Variants in TMEM273 observed in about 807,000 individuals in gnomAD.
TMEM273 encodes chromosome 10 open reading frame 128.
Under a neutral mutation model 17.9 loss-of-function variants are expected in TMEM273, and 19 were observed. The ratio of observed to expected loss-of-function variants is 1.06; its 90% CI spans 0.74 to 1.55. The LOEUF (loss-of-function observed/expected upper bound fraction) is 1.55, where lower values mean the gene tolerates loss of function less well. TMEM273 is among the 40% of genes most tolerant of loss of function. TMEM273 has a pLI of 0.00. For missense variants in TMEM273, 194 were observed against 155.6 expected (o/e 1.25, Z -1.31); for synonymous variants, 66 against 62.0 (o/e 1.07, Z -0.31).
intron 1 of TMEM273, chr10:49,178,273 A>G: frequency 2.2e-6 from 1 of 457,176 alleles, no homozygotes; most frequent in Non-Finnish European, 4.4e-6. Flanking sequence ...TCTTCTTAGG[A>G]TGGCACGCCA....
intron 1 of TMEM273, among the ~76,000 whole-genome samples, chr10:49,172,998 A>G (rs140061790): frequency 7.9e-5 from 12 of 152,326 alleles, no homozygotes; most frequent in African/African-American, 2.9e-4. Flanking sequence ...GATCCAATTC[A>G]GACCAGTGAC....
At chr10:49,166,538 C>T (rs1309976479) in intron 3 of TMEM273, 1 of 326,814 alleles carries the variant, frequency 3.1e-6, no homozygotes, top group African/African-American at 2.1e-5. Flanking sequence ...TCCTCTCCCA[C>T]CTTTCTCCAG....
At chr10:49,186,065 AGAG>A (rs1554850041) in intron 1 of TMEM273, among the ~76,000 whole-genome samples, 98 of 139,134 alleles carry the variant, frequency 7.0e-4, no homozygotes, top group African/African-American at 2.0e-3. Flanking sequence ...AAGAAGAAGA[AGAG>A]GAAGAAGAAG....
In TMEM273 at chr10:49,155,821, C is replaced by T. The variant is rs1234371130; in HGVS notation, c.*71G>A. On this transcript the variant is annotated 3_prime_UTR_variant, in exon 7 of 7. Transcript: ENST00000374153. The stretch of plus-strand genomic sequence containing the variant: ...CCTTGGGTGTTTGAATGCAGAACAT[C>T]CTGAGATGTTAACCATGGGCTGTTT... 10 of 1,612,668 alleles carry T rather than the reference C, an allele frequency of 6.2e-6. 1 individual carries two copies. In the South Asian group the frequency reaches 1.1e-4, roughly 18 times the overall value.
rs965331731 is a variant in TMEM273, at chr10:49,154,950, C to A, written c.*942G>T. The stretch of plus-strand genomic sequence containing the variant: ...TTCATCACACACAAGGAGGGTAGCC[C>A]AGTCCGAGAGATTTCCTGGAAAGTG... On this transcript the variant is annotated 3_prime_UTR_variant, in exon 7 of 7. Transcript: ENST00000374153. 1 of 152,168 alleles carries A rather than the reference C, an allele frequency of 6.6e-6. No homozygotes were observed. Among genetic ancestry groups the A allele is most frequent in the Non-Finnish European group, 1.5e-5 (1 of 68,024 alleles). The allele number at this position is 152,168 out of a possible 1,614,324, so 9.4% of individuals were successfully genotyped here. A position where few individuals can be genotyped will look rare whatever the true frequency, so the allele number is the denominator to read the frequency against.
At chr10:49,178,901 G>C (rs1381933853) in intron 1 of TMEM273, among the ~76,000 whole-genome samples, 1 of 152,150 alleles carries the variant, frequency 6.6e-6, no homozygotes, top group Non-Finnish European at 1.5e-5. Flanking sequence ...AAAGCTCTGG[G>C]TGTCTGTGTG....
intron 1 of TMEM273, chr10:49,178,123 A>G (rs1306128295): frequency 6.6e-6 from 3 of 451,590 alleles, no homozygotes; most frequent in Admixed American, 4.7e-5. Context: ...TTAAAATCCT[A>G]CAGAATAAGG....
chr10:49,168,925 A>G (rs1846377258), intron 1 of TMEM273, among the ~76,000 whole-genome samples: 1 of 152,216 alleles, frequency 6.6e-6, no homozygotes, highest in Non-Finnish European at 1.5e-5. Context: ...CAGTGCTGGC[A>G]TTAATATATG....
intron 5 of TMEM273, among the ~76,000 whole-genome samples, chr10:49,164,264 C>A (rs1846023700): frequency 6.6e-6 from 1 of 152,210 alleles, no homozygotes; most frequent in South Asian, 2.1e-4. Context: ...GTTCTAGATT[C>A]TTTTCTCTCC....
chr10:49,174,092 G>A (rs769080422), intron 1 of TMEM273, among the ~76,000 whole-genome samples: 7 of 152,208 alleles, frequency 4.6e-5, no homozygotes, highest in East Asian at 3.9e-4. Context: ...GATGCAGGAC[G>A]CTGACATATA....
intron 6 of TMEM273, among the ~76,000 whole-genome samples, chr10:49,157,455 C>A (rs1163345111): frequency 2.0e-5 from 3 of 152,118 alleles, no homozygotes; most frequent in African/African-American, 7.2e-5. Flanking sequence ...CTACTTAACC[C>A]AAATCTTTGA....
chr10:49,181,305 T>C (rs1056845728), intron 1 of TMEM273, among the ~76,000 whole-genome samples: 1 of 152,222 alleles, frequency 6.6e-6, no homozygotes, highest in African/African-American at 2.4e-5. Flanking sequence ...TCTATAGGTT[T>C]AATGCAATTC....
chr10:49,164,563 C>T (rs889628716), intron 5 of TMEM273, among the ~76,000 whole-genome samples: 20 of 152,282 alleles, frequency 1.3e-4, no homozygotes, highest in Admixed American at 2.6e-4. Flanking sequence ...TAACACAAGC[C>T]CCTCTGACTG....
intron 1 of TMEM273, among the ~76,000 whole-genome samples, chr10:49,170,980 A>G (rs544605354): frequency 1.3e-5 from 2 of 152,318 alleles, no homozygotes; most frequent in African/African-American, 4.8e-5. Context: ...TGGACATCAC[A>G]GCCAGAGGTC....
intron 4 of TMEM273, 43 bp from the exon 5 acceptor site, chr10:49,165,326 G>T: frequency 1.3e-6 from 2 of 1,550,454 alleles, no homozygotes; most frequent in Non-Finnish European, 1.7e-6. Flanking sequence ...CAAGTGCAAA[G>T]GTCCCAAGGC....
Position 49,166,947 on chromosome 10 carries a change from G to C in TMEM273, c.160C>G (p.Leu54Val), listed in dbSNP as rs1196617696. The change falls in exon 3 of 7, where the codon CTG becomes GTG. Residue 54 changes from leucine to valine, a missense_variant. Leu to Val is a conservative substitution (Grantham distance 32). Coordinates refer to ENST00000374153, the MANE Select transcript of TMEM273 (RefSeq NM_001288740.3). ...GVAISAGFLA[L>V]KICMIRRHLF... The stretch of plus-strand genomic sequence containing the variant: ...TGCCTCCTGATCATGCAGATCTTCA[G>C]GGCCAGGAAGCCAGCAGATATGGCG... 6.2e-7 allele frequency: 1 copy of C among 1,614,066 alleles called. No individual in the cohort carries two copies. Among genetic ancestry groups the C allele is most frequent in the Admixed American group, 1.7e-5 (1 of 60,014 alleles).
chr10:49,178,942 A>G (rs1847171500), intron 1 of TMEM273, among the ~76,000 whole-genome samples: 1 of 152,196 alleles, frequency 6.6e-6, no homozygotes, highest in Admixed American at 6.5e-5. Context: ...CTGTGGGTCC[A>G]GCTCCAGGTC....
At chr10:49,181,312 A>G (rs1320332697) in intron 1 of TMEM273, among the ~76,000 whole-genome samples, 1 of 152,260 alleles carries the variant, frequency 6.6e-6, no homozygotes, top group Non-Finnish European at 1.5e-5. Flanking sequence ...GTTTAATGCA[A>G]TTCCCATCAA....
intron 1 of TMEM273, chr10:49,178,100 C>A (rs1847106324): frequency 2.3e-6 from 1 of 435,410 alleles, no homozygotes; most frequent in African/African-American, 2.0e-5. Context: ...AGGCACTCTT[C>A]CTGTAAGGCT....
Sources: allele counts gnomAD v4.1 joint callset (sites outside exome capture counted in the v4.1 genomes callset), GRCh38; gene constraint gnomAD v4.1.1; transcripts MANE v1.5; gene names NCBI Gene and HGNC (gene_info 2026-07-23, HGNC 2026-07-21).